The following SLC39A11 variants were observed in gnomAD, a reference collection of about 807,000 sequenced individuals.
SLC39A11 encodes zinc transporter ZIP11.
In SLC39A11, 33 loss-of-function variants were observed where a neutral mutation model predicts 36.1. That is an observed-to-expected ratio of 0.91 (90% CI 0.69 to 1.22). The LOEUF is 1.22. Among genes scored for constraint, SLC39A11 ranks in the 50% most tolerant of loss-of-function variants. SLC39A11 has a pLI of 0.00. For synonymous variants in SLC39A11, 166 were observed against 170.3 expected, an observed-to-expected ratio of 0.97 and a Z score of 0.20; for missense variants, 432 against 430.3, an observed-to-expected ratio of 1.00 and a Z score of -0.03.
chr17:73,051,212 C>G (rs1306482649), intron 3 of SLC39A11, among the ~76,000 whole-genome samples: 2 of 152,104 alleles, frequency 1.3e-5, no homozygotes, highest in Admixed American at 6.5e-5. Context: ...AGTCACCCGG[C>G]CACCCTCACC....
chr17:73,051,612 C>A (rs1323989999), intron 3 of SLC39A11, among the ~76,000 whole-genome samples: 1 of 150,702 alleles, frequency 6.6e-6, no homozygotes, highest in Non-Finnish European at 1.5e-5. Context: ...AATCCCGGCA[C>A]TTTGGGAGGC....
chr17:72,820,588 C>T (rs1402430415), intron 6 of SLC39A11, among the ~76,000 whole-genome samples: 1 of 151,234 alleles, frequency 6.6e-6, no homozygotes, highest in Non-Finnish European at 1.5e-5. Flanking sequence ...CCCCAAAGAG[C>T]CCATGCTCTT....
At chr17:72,953,227 G>A (rs2085994813) in intron 4 of SLC39A11, among the ~76,000 whole-genome samples, 1 of 152,008 alleles carries the variant, frequency 6.6e-6, no homozygotes, top group African/African-American at 2.4e-5. Context: ...TTGGTGGGGG[G>A]CCAATCCCTG....
intron 4 of SLC39A11, among the ~76,000 whole-genome samples, chr17:73,001,147 C>T (rs979080635): frequency 1.3e-5 from 2 of 152,022 alleles, no homozygotes; most frequent in African/African-American, 4.8e-5. Flanking sequence ...TTAATAATTC[C>T]AACTTCTTTC....
intron 5 of SLC39A11, among the ~76,000 whole-genome samples, chr17:72,861,954 T>A (rs1043695388): frequency 4.6e-5 from 7 of 150,942 alleles, no homozygotes; most frequent in Non-Finnish European, 7.4e-5. Flanking sequence ...GTCCATGGAT[T>A]TGTCCATATG....
At chr17:73,028,641 T>C (rs771797088) in intron 4 of SLC39A11, among the ~76,000 whole-genome samples, 2 of 152,094 alleles carry the variant, frequency 1.3e-5, no homozygotes, top group Non-Finnish European at 2.9e-5. Flanking sequence ...TGCCAAGTAG[T>C]GAGGTTCTGG....
At chr17:72,934,336 A>G (rs1003579511) in intron 5 of SLC39A11, among the ~76,000 whole-genome samples, 2 of 152,184 alleles carry the variant, frequency 1.3e-5, no homozygotes, top group African/African-American at 2.4e-5. Flanking sequence ...TGCAAATCAC[A>G]TATCTGACAA....
At chr17:72,648,645 AGAGCACAGTT>A (rs577090488) in intron 9 of SLC39A11, among the ~76,000 whole-genome samples, 148 bp downstream of exon 9, 72 of 152,214 alleles carry the variant, frequency 4.7e-4, no homozygotes, top group South Asian at 1.7e-3. Flanking sequence ...TTAGTTTCAG[AGAGCACAGTT>A]GAGGAGGCAG....
intron 6 of SLC39A11, among the ~76,000 whole-genome samples, chr17:72,755,569 ACTTG>A (rs1568037228): frequency 6.6e-6 from 1 of 152,264 alleles, no homozygotes; most frequent in Non-Finnish European, 1.5e-5. Flanking sequence ...ACTGCAAAAC[ACTTG>A]GTAAATTTAA....
intron 6 of SLC39A11, among the ~76,000 whole-genome samples, chr17:72,794,986 G>A (rs933288585): frequency 1.3e-5 from 2 of 152,104 alleles, no homozygotes; most frequent in Admixed American, 6.5e-5. Flanking sequence ...GAGGACCTCC[G>A]ACTGTGAAAG....
At chr17:72,921,217 T>C (rs996366618) in intron 5 of SLC39A11, among the ~76,000 whole-genome samples, 11 of 152,126 alleles carry the variant, frequency 7.2e-5, no homozygotes, top group African/African-American at 2.4e-4. Flanking sequence ...TAACAAACCA[T>C]AGGACTATGC....
chr17:73,038,792 AG>A (rs2059013743), intron 3 of SLC39A11, among the ~76,000 whole-genome samples: 1 of 13,090 alleles, frequency 7.6e-5, no homozygotes, highest in Non-Finnish European at 1.5e-4. Context: ...AGGAGGGAGG[AG>A]GGAGGGAGGG....
intron 6 of SLC39A11, among the ~76,000 whole-genome samples, chr17:72,762,761 T>G (rs573803834): frequency 6.6e-6 from 1 of 152,146 alleles, no homozygotes; most frequent in Admixed American, 6.5e-5. Context: ...TAACCTTGTT[T>G]CCTCAGACCC....
At chr17:72,813,841 G>GC (rs1157790208) in intron 6 of SLC39A11, among the ~76,000 whole-genome samples, 1 of 152,208 alleles carries the variant, frequency 6.6e-6, no homozygotes, top group Non-Finnish European at 1.5e-5. Context: ...AGAAGGACCT[G>GC]CATATTCCAC....
At chr17:72,846,122 T>C (rs2079047116) in intron 6 of SLC39A11, among the ~76,000 whole-genome samples, 1 of 145,562 alleles carries the variant, frequency 6.9e-6, no homozygotes, top group African/African-American at 2.5e-5. Flanking sequence ...CTCTGCCTCC[T>C]GGGTTCAAGT....
At chr17:72,898,425 C>T (rs2082141512) in intron 5 of SLC39A11, among the ~76,000 whole-genome samples, 1 of 152,202 alleles carries the variant, frequency 6.6e-6, no homozygotes, top group African/African-American at 2.4e-5. Context: ...GAACAGCCCC[C>T]AGCTGGTCCC....
At chr17:72,976,242 AATT>A (rs1319723361) in intron 4 of SLC39A11, among the ~76,000 whole-genome samples, 1 of 151,692 alleles carries the variant, frequency 6.6e-6, no homozygotes, top group Non-Finnish European at 1.5e-5. Flanking sequence ...TGAATTTTTA[AATT>A]ATTATTATTA....
At chr17:72,773,871 C>T (rs544103204) in intron 6 of SLC39A11, among the ~76,000 whole-genome samples, 5 of 152,250 alleles carry the variant, frequency 3.3e-5, no homozygotes, top group Middle Eastern at 3.4e-3. Flanking sequence ...GGCTGAAGCG[C>T]GAAACACCAA....
intron 4 of SLC39A11, among the ~76,000 whole-genome samples, chr17:73,011,074 C>CAGTACACA (rs1380104295): frequency 1.7e-5 from 1 of 58,838 alleles, no homozygotes; most frequent in Non-Finnish European, 5.0e-5. Flanking sequence ...TTCAGGCCCC[C>CAGTACACA]GGTACACAGG....
Sources: allele counts gnomAD v4.1 joint callset (sites outside exome capture counted in the v4.1 genomes callset), GRCh38; gene constraint gnomAD v4.1.1; transcripts MANE v1.5; gene names NCBI Gene and HGNC (gene_info 2026-07-23, HGNC 2026-07-21).